PTPN4: variants seen among roughly 807,000 people sequenced by gnomAD.
PTPN4 encodes protein tyrosine phosphatase non-receptor type 4.
In PTPN4, 49 loss-of-function variants were observed where a neutral mutation model predicts 135.5. The ratio of observed to expected loss-of-function variants is 0.36; its 90% confidence interval spans 0.29 to 0.46. PTPN4 has a LOEUF of 0.46. PTPN4 is among the 20% of genes least tolerant of loss of function. The probability of loss-of-function intolerance (pLI) is 1.00; values close to 1 mark genes in which losing one functional copy is unlikely to be tolerated. For missense variants in PTPN4, 860 were observed against 1,101.0 expected (o/e 0.78, Z 3.10); for synonymous variants, 333 against 369.9 (o/e 0.90, Z 1.14).
chr2:119,843,096 T>A (rs1156926717), intron 2 of PTPN4, among the ~76,000 whole-genome samples: 1 of 152,248 alleles, frequency 6.6e-6, no homozygotes, highest in Non-Finnish European at 1.5e-5. Context: ...CATGTGACTT[T>A]TCATTAGCCT....
intron 1 of PTPN4, among the ~76,000 whole-genome samples, chr2:119,765,790 A>T (rs1243103140): frequency 2.0e-5 from 3 of 152,224 alleles, no homozygotes; most frequent in African/African-American, 7.2e-5. Flanking sequence ...GGTAGAGAGA[A>T]CAGCATATAG....
At chr2:119,915,049 G>A (rs1678631371) in intron 10 of PTPN4, 130 bp from the exon 11 acceptor site, 1 of 701,532 alleles carries the variant, frequency 1.4e-6, no homozygotes, top group South Asian at 4.0e-5. Context: ...AATTCTTTAT[G>A]TACTATGTGT....
In PTPN4 at chr2:119,951,849, A is replaced by G. The variant is rs998755468; in HGVS notation, c.1657-124A>G. ...TCTACATTTTTTAAATAGATAATAA[A>G]TGAAAGATGCTTTTCTATATGTAGT... On this transcript the variant is annotated intron_variant, in intron 18 of 26. Coordinates refer to ENST00000263708, the MANE Select transcript of PTPN4 (RefSeq NM_002830.4). 4.1e-6 allele frequency: 3 copies of G among 739,940 alleles called. No homozygotes were observed. The African/African-American group carries it at 5.5e-5, about 14-fold the overall frequency. 45.8% of individuals were successfully genotyped at this position (739,940 alleles called of 1,614,324 possible). A position where few individuals can be genotyped will look rare whatever the true frequency, so the allele number is the denominator to read the frequency against.
At chr2:119,860,575 A>G (rs1466012575) in intron 2 of PTPN4, among the ~76,000 whole-genome samples, 6 of 152,180 alleles carry the variant, frequency 3.9e-5, no homozygotes, top group African/African-American at 7.2e-5. Flanking sequence ...ATGAAAAAAA[A>G]ATGTCCTTAG....
At chr2:119,945,540 A>G (rs968713728) in intron 16 of PTPN4, among the ~76,000 whole-genome samples, 4 of 152,130 alleles carry the variant, frequency 2.6e-5, no homozygotes, top group Admixed American at 6.5e-5. Flanking sequence ...GAGCAGGCAT[A>G]GAACATACTG....
chr2:119,960,176 T>C (rs1461701615), intron 22 of PTPN4, among the ~76,000 whole-genome samples: 1 of 152,206 alleles, frequency 6.6e-6, no homozygotes, highest in Non-Finnish European at 1.5e-5. Flanking sequence ...TTATTCACTC[T>C]TTGTTATTCT....
intron 3 of PTPN4, among the ~76,000 whole-genome samples, chr2:119,865,930 G>A (rs1677828729): frequency 1.3e-5 from 2 of 151,752 alleles, no homozygotes; most frequent in Admixed American, 6.6e-5. Context: ...AATAGCTGAC[G>A]GTCTTTTCCT....
At chr2:119,959,746 A>G (rs527388428) in intron 22 of PTPN4, among the ~76,000 whole-genome samples, 1 of 152,310 alleles carries the variant, frequency 6.6e-6, no homozygotes, top group African/African-American at 2.4e-5. Flanking sequence ...ACAGCAAACT[A>G]TAGATATTCT....
chr2:119,872,366 C>T (rs535799948), intron 3 of PTPN4, among the ~76,000 whole-genome samples: 1 of 152,180 alleles, frequency 6.6e-6, no homozygotes, highest in South Asian at 2.1e-4. Flanking sequence ...ATGTATACAG[C>T]TACCATTAAG....
intron 1 of PTPN4, among the ~76,000 whole-genome samples, chr2:119,800,932 C>T (rs2104942206): frequency 6.6e-6 from 1 of 151,540 alleles, no homozygotes; most frequent in East Asian, 1.9e-4. Context: ...TCTGTCGTTA[C>T]CAACAGTCTT....
At chr2:119,957,844 T>C (rs1679311025) in intron 22 of PTPN4, among the ~76,000 whole-genome samples, 1 of 152,108 alleles carries the variant, frequency 6.6e-6, no homozygotes, top group African/African-American at 2.4e-5. Flanking sequence ...CTCTACTCAC[T>C]CTTGATGCCA....
intron 2 of PTPN4, among the ~76,000 whole-genome samples, chr2:119,857,403 G>T (rs189857984): frequency 6.6e-6 from 1 of 151,650 alleles, no homozygotes; most frequent in East Asian, 1.9e-4. Context: ...GCTTGGTCGC[G>T]TGTGCCTGTA....
At chr2:119,871,861 A>G (rs1312291993) in intron 3 of PTPN4, among the ~76,000 whole-genome samples, 3 of 152,310 alleles carry the variant, frequency 2.0e-5, no homozygotes, top group East Asian at 3.9e-4. Context: ...CTGACACCCT[A>G]TGCCTACAGA....
intron 1 of PTPN4, among the ~76,000 whole-genome samples, chr2:119,808,473 A>G (rs1005230090): frequency 2.0e-5 from 3 of 152,224 alleles, no homozygotes; most frequent in African/African-American, 4.8e-5. Context: ...CCCATTCACA[A>G]TTGCTACAAA....
chr2:119,946,420 T>A lies in PTPN4; in HGVS notation c.1595T>A (p.Val532Glu), dbSNP rs1424144588. The A allele has an allele frequency of 6.2e-7, 1 of 1,608,368 alleles. No homozygotes were observed. The change falls in exon 17 of 27, where the codon GTA becomes GAA. Residue 532 changes from valine to glutamate, a missense_variant. By Grantham distance (121) the Val-to-Glu change is moderately radical. This residue lies in a region of PTPN4 where 684 missense variants were observed against 807.0 expected (regional missense o/e 0.85). Coordinates refer to ENST00000263708, the MANE Select transcript of PTPN4 (RefSeq NM_002830.4). ...GAAAATGGGAGGTTTGGATTCAATG[T>A]AAAGGTAATCTGGAATTTATTTTAT... ...PDENGRFGFNVKGGYDQKMPV... is the reference protein window; with the variant it reads ...PDENGRFGFNEKGGYDQKMPV...
intron 2 of PTPN4, among the ~76,000 whole-genome samples, chr2:119,811,241 T>A (rs1349750881): frequency 6.6e-6 from 1 of 152,120 alleles, no homozygotes; most frequent in Non-Finnish European, 1.5e-5. Context: ...ATACAAAAAA[T>A]GAATCTTTCT....
intron 1 of PTPN4, chr2:119,771,642 A>G (rs966416932): frequency 4.6e-5 from 7 of 151,910 alleles, no homozygotes; most frequent in African/African-American, 1.7e-4. Flanking sequence ...TCTGGATACT[A>G]TTTTCTAACT....
At chr2:119,865,976 A>T (rs1677829406) in intron 3 of PTPN4, among the ~76,000 whole-genome samples, 1 of 152,072 alleles carries the variant, frequency 6.6e-6, no homozygotes, top group Admixed American at 6.6e-5. Context: ...CCAGTGCAAC[A>T]AAGAAAATTA....
chr2:119,890,450 T>C (rs1173233753), intron 9 of PTPN4, among the ~76,000 whole-genome samples: 1 of 152,228 alleles, frequency 6.6e-6, no homozygotes, highest in African/African-American at 2.4e-5. Context: ...AGTTGAATTA[T>C]GTATTTTAAT....
Sources: gnomAD v4.1 joint callset for allele counts (sites outside exome capture counted in the v4.1 genomes callset) on GRCh38, gnomAD v4.1.1 for gene constraint, gnomAD v4.1.1 regional missense constraint, MANE v1.5 for transcripts, NCBI Gene and HGNC (gene_info 2026-07-23, HGNC 2026-07-21) for gene names.